LRRTM4: variants seen among roughly 807,000 people sequenced by gnomAD.
LRRTM4 encodes leucine-rich repeat transmembrane neuronal protein 4.
LRRTM4 carries 25 observed loss-of-function variants against 47.6 expected under a neutral mutation model. The ratio of observed to expected loss-of-function variants is 0.53; its 90% CI spans 0.38 to 0.73. LRRTM4 has a LOEUF of 0.73. Among genes scored for constraint, LRRTM4 ranks in the 30% least tolerant of loss-of-function variants. LRRTM4 has a pLI of 0.00. For missense variants in LRRTM4, 638 were observed against 713.4 expected (o/e 0.89, Z 1.20); for synonymous variants, 311 against 269.5 (o/e 1.15, Z -1.51).
chr2:76,793,654 AGGATAT>A (rs1675100068), intron 3 of LRRTM4, among the ~76,000 whole-genome samples: 1 of 152,184 alleles, frequency 6.6e-6, no homozygotes, highest in East Asian at 1.9e-4. Context: ...GAGGGAACAC[AGGATAT>A]GGTAGATGAA....
chr2:77,318,741 C>T (rs1389556480), intron 3 of LRRTM4, among the ~76,000 whole-genome samples: 1 of 152,132 alleles, frequency 6.6e-6, no homozygotes, highest in Non-Finnish European at 1.5e-5. Flanking sequence ...AGGAGAATAA[C>T]ACTCATCTTT....
intron 3 of LRRTM4, among the ~76,000 whole-genome samples, chr2:77,134,011 T>G (rs574422730): frequency 6.0e-4 from 91 of 152,274 alleles, no homozygotes; most frequent in African/African-American, 2.0e-3. Context: ...TAACTAACAT[T>G]GAAAATTAGC....
At chr2:77,033,193 C>A (rs1404332130) in intron 3 of LRRTM4, among the ~76,000 whole-genome samples, 5 of 151,952 alleles carry the variant, frequency 3.3e-5, no homozygotes, top group Admixed American at 2.0e-4. Context: ...AGATTGTAAT[C>A]TATTCAGTAT....
chr2:77,314,760 A>T (rs200588251), intron 3 of LRRTM4, among the ~76,000 whole-genome samples: 1 of 152,184 alleles, frequency 6.6e-6, no homozygotes, highest in Non-Finnish European at 1.5e-5. Context: ...ACTTTATGAT[A>T]GTGTGAAAGT....
chr2:77,452,588 C>T (rs968894363), intron 3 of LRRTM4, among the ~76,000 whole-genome samples: 2 of 152,186 alleles, frequency 1.3e-5, no homozygotes, highest in Non-Finnish European at 2.9e-5. Flanking sequence ...GCAACCTGCA[C>T]GTGACACAGG....
intron 3 of LRRTM4, among the ~76,000 whole-genome samples, chr2:76,951,617 A>G (rs1004519793): frequency 6.6e-6 from 1 of 151,966 alleles, no homozygotes; most frequent in East Asian, 1.9e-4. Context: ...CAGATAATAG[A>G]TAATTTTTTT....
rs182401648 is a variant in LRRTM4, at chr2:77,473,774, G to A, written c.1551+44544C>T. ...AAACATCTGCCTGACAGCTTCATTG[G>A]TACCAGTGTATGTAACACTAATAAA... On this transcript the variant is annotated intron_variant, in intron 3 of 3. Coordinates refer to ENST00000409884, the MANE Select transcript of LRRTM4 (RefSeq NM_001134745.3). Among the ~76,000 whole-genome samples the A allele has an allele frequency of 2.2e-3, 329 of 152,216 alleles. 7 individuals are homozygous for A. Among genetic ancestry groups the A allele is most frequent in the Admixed American group, 0.019 (290 of 15,278 alleles).
At chr2:77,340,175 C>T (rs551905454) in intron 3 of LRRTM4, among the ~76,000 whole-genome samples, 35 of 151,922 alleles carry the variant, frequency 2.3e-4, no homozygotes, top group Admixed American at 2.0e-4. Flanking sequence ...TTTGGTATCA[C>T]TAAAATATAT....
At chr2:76,853,949 C>T (rs1352503631) in intron 3 of LRRTM4, among the ~76,000 whole-genome samples, 1 of 152,102 alleles carries the variant, frequency 6.6e-6, no homozygotes, top group African/African-American at 2.4e-5. Context: ...ATTCATATGC[C>T]TCTGCCACTT....
At chr2:77,269,077 C>G (rs1676126321) in intron 3 of LRRTM4, among the ~76,000 whole-genome samples, 1 of 152,060 alleles carries the variant, frequency 6.6e-6, no homozygotes, top group African/African-American at 2.4e-5. Flanking sequence ...CTCTTTCTTA[C>G]TTTCTAAAAA....
intron 3 of LRRTM4, among the ~76,000 whole-genome samples, chr2:77,404,247 T>C (rs1433890611): frequency 6.6e-6 from 1 of 151,970 alleles, no homozygotes; most frequent in East Asian, 1.9e-4. Flanking sequence ...ATTTATAGAA[T>C]AAAAAGAAAA....
At chr2:77,122,566 T>C (rs1671548183) in intron 3 of LRRTM4, among the ~76,000 whole-genome samples, 1 of 151,032 alleles carries the variant, frequency 6.6e-6, no homozygotes, top group Admixed American at 6.6e-5. Context: ...ATATATATAA[T>C]CTTTGAAATG....
chr2:77,194,081 A>G (rs1673749448), intron 3 of LRRTM4, among the ~76,000 whole-genome samples: 1 of 152,162 alleles, frequency 6.6e-6, no homozygotes, highest in Non-Finnish European at 1.5e-5. Context: ...GAGAAACATA[A>G]CGGAATGCTT....
chr2:77,030,487 A>G (rs1013047851), intron 3 of LRRTM4, among the ~76,000 whole-genome samples: 1 of 152,198 alleles, frequency 6.6e-6, no homozygotes, highest in Non-Finnish European at 1.5e-5. Context: ...TTTCTATTAC[A>G]ATGTTTAGAA....
At chr2:76,787,466 C>T (rs1439329489) in intron 3 of LRRTM4, among the ~76,000 whole-genome samples, 1 of 151,724 alleles carries the variant, frequency 6.6e-6, no homozygotes, top group Non-Finnish European at 1.5e-5. Flanking sequence ...CCATTGTCTA[C>T]TAAGGTCAAT....
intron 3 of LRRTM4, among the ~76,000 whole-genome samples, chr2:77,477,893 A>C (rs908216704): frequency 8.7e-6 from 1 of 114,468 alleles, no homozygotes; most frequent in Non-Finnish European, 1.8e-5. Context: ...GAAAGAAAGA[A>C]AAAGAAAGAA....
intron 3 of LRRTM4, among the ~76,000 whole-genome samples, chr2:76,912,166 G>A (rs957586117): frequency 2.6e-5 from 4 of 152,002 alleles, no homozygotes; most frequent in African/African-American, 7.3e-5. Context: ...TGATCCCCCC[G>A]CCTCGGCCTC....
chr2:77,319,336 G>T (rs1016949301), intron 3 of LRRTM4, among the ~76,000 whole-genome samples: 2 of 151,788 alleles, frequency 1.3e-5, no homozygotes, highest in African/African-American at 4.8e-5. Context: ...GCAGTGAGCC[G>T]AGATCGCGCC....
intron 3 of LRRTM4, among the ~76,000 whole-genome samples, chr2:77,288,778 C>T (rs551967895): frequency 6.6e-6 from 1 of 151,988 alleles, no homozygotes; most frequent in South Asian, 2.1e-4. Context: ...TCCTGTGTAT[C>T]CTGTTTCCCA....
Sources: allele counts gnomAD v4.1 joint callset (sites outside exome capture counted in the v4.1 genomes callset), GRCh38; gene constraint gnomAD v4.1.1; transcripts MANE v1.5; gene names NCBI Gene and HGNC (gene_info 2026-07-23, HGNC 2026-07-21).